FSD2: variants seen among roughly 807,000 people sequenced by gnomAD.
The protein encoded by FSD2 is fibronectin type III and SPRY domain-containing protein 2.
A neutral mutation model predicts 80.4 loss-of-function variants in FSD2; 71 were observed. That is an observed-to-expected ratio of 0.88 (90% CI 0.73 to 1.08). The LOEUF (loss-of-function observed/expected upper bound fraction) is 1.08, where lower values mean the gene tolerates loss of function less well. Ranked by LOEUF, FSD2 falls within the 50% of genes least tolerant of loss-of-function variation. The pLI is 0.00. For missense variants in FSD2, 923 were observed against 913.8 expected (o/e 1.01, Z -0.13); for synonymous variants, 361 against 329.5 (o/e 1.10, Z -1.03).
At chr15:82,780,323 C>A in intron 4 of FSD2, 56 bp from the exon 5 acceptor site, 25 of 1,196,208 alleles carry the variant, frequency 2.1e-5, no homozygotes, top group Non-Finnish European at 2.9e-5. Context: ...TTTCTTTTTT[C>A]TTTTTCTTTC....
intron 9 of FSD2, 137 bp from the exon 10 acceptor site, chr15:82,766,168 G>C: frequency 1.1e-6 from 1 of 950,534 alleles, no homozygotes; most frequent in Non-Finnish European, 1.5e-6. Flanking sequence ...CAGCAGCATA[G>C]CCAGGAGTGC....
intron 6 of FSD2, among the ~76,000 whole-genome samples, 161 bp from the exon 7 acceptor site, chr15:82,772,389 C>T (rs547431977): frequency 6.6e-6 from 1 of 152,318 alleles, no homozygotes; most frequent in South Asian, 2.1e-4. Flanking sequence ...AGCCTCTCAA[C>T]CATGAGTCTG....
intron 6 of FSD2, among the ~76,000 whole-genome samples, chr15:82,775,484 G>A (rs375974580): frequency 1.6e-4 from 25 of 152,034 alleles, no homozygotes; most frequent in African/African-American, 5.8e-4. Flanking sequence ...TCTTTCTCTT[G>A]CCTAATTGCT....
intron 4 of FSD2, among the ~76,000 whole-genome samples, chr15:82,781,833 G>T (rs1292996679): frequency 6.6e-6 from 1 of 151,472 alleles, no homozygotes; most frequent in African/African-American, 2.4e-5. Flanking sequence ...GCCGAGGCAG[G>T]TGGATCACGA....
In FSD2 at chr15:82,772,240, AAAG is replaced by A. The variant is rs768339169; in HGVS notation, c.1112-15_1112-13del. 15 of 1,599,794 alleles carry A rather than the reference AAAG, an allele frequency of 9.4e-6. No homozygotes were observed. Among genetic ancestry groups the A allele is most frequent in the Non-Finnish European group, 9.4e-6 (11 of 1,173,296 alleles). On this transcript the variant is annotated splice_polypyrimidine_tract_variant and intron_variant, in intron 6 of 12. Transcript: ENST00000334574. ...TGGAGCAGAAGGAGCTAGGAAAAGA[AAAG>A]AAAAAAGAAGAGGAACCTCTAATAG...
chr15:82,790,714 T>C (rs113207259), intron 1 of FSD2, among the ~76,000 whole-genome samples: 1,861 of 150,730 alleles, frequency 0.012, 34 homozygotes, highest in African/African-American at 0.044. Flanking sequence ...TAGCTGGGAC[T>C]ATAGGCGCCC....
chr15:82,761,165 G>C (rs2049288313), intron 12 of FSD2, among the ~76,000 whole-genome samples: 1 of 152,178 alleles, frequency 6.6e-6, no homozygotes, highest in South Asian at 2.1e-4. Flanking sequence ...AGAGGATCAT[G>C]GGCAGAGAGC....
At chr15:82,791,324 C>T (rs1470052656) in intron 1 of FSD2, among the ~76,000 whole-genome samples, 3 of 151,882 alleles carry the variant, frequency 2.0e-5, no homozygotes, top group Admixed American at 6.6e-5. Context: ...TATACTCACA[C>T]ATATGTGCAG....
intron 9 of FSD2, 137 bp from the exon 10 acceptor site, chr15:82,766,168 G>A: frequency 1.1e-6 from 1 of 950,534 alleles, no homozygotes; most frequent in East Asian, 2.9e-5. Context: ...CAGCAGCATA[G>A]CCAGGAGTGC....
chr15:82,769,934 C>G (rs773190026), intron 7 of FSD2, 50 bp from the exon 8 acceptor site: 60 of 1,605,936 alleles, frequency 3.7e-5, no homozygotes, highest in Non-Finnish European at 5.1e-5. Context: ...GGCCAAGTGG[C>G]TCCAATTCAT....
At chr15:82,764,404 T>C (rs540221734) in intron 11 of FSD2, among the ~76,000 whole-genome samples, 2 of 152,022 alleles carry the variant, frequency 1.3e-5, no homozygotes, top group Non-Finnish European at 2.9e-5. Flanking sequence ...ACCCGGCCCT[T>C]AAGCCGCTTG....
chr15:82,786,433 C>T, intron 3 of FSD2, 78 bp downstream of exon 3: 2 of 1,074,572 alleles, frequency 1.9e-6, no homozygotes, highest in Non-Finnish European at 2.8e-6. Context: ...TTCTCTAGCT[C>T]ATACCAGAAA....
chr15:82,780,417 C>T, intron 4 of FSD2, 150 bp from the exon 5 acceptor site: 1 of 560,896 alleles, frequency 1.8e-6, no homozygotes, highest in Admixed American at 3.6e-5. Context: ...TCACTGCAAC[C>T]TCCGCCTCCC....
At position 82,759,099 on chromosome 15, in the gene FSD2, T is replaced by C. The variant is rs1422311501; in HGVS notation, c.*249A>G. On this transcript the variant is annotated 3_prime_UTR_variant, in exon 13 of 13. Coordinates refer to ENST00000334574, the MANE Select transcript of FSD2 (RefSeq NM_001007122.4). The stretch of plus-strand genomic sequence containing the variant: ...TTTGACAGCTTCAAAGACTTTTGAG[T>C]TCGTTTAGTCTGAGCCTTTATTTTA... 4 of 452,790 alleles carry C rather than the reference T, an allele frequency of 8.8e-6. No individual in the cohort carries two copies. Among genetic ancestry groups the C allele is most frequent in the Non-Finnish European group, 1.6e-5 (4 of 253,260 alleles). 28.0% of individuals were successfully genotyped at this position (452,790 alleles called of 1,614,324 possible).
intron 11 of FSD2, 118 bp from the exon 12 acceptor site, chr15:82,762,396 G>T: frequency 1.2e-6 from 1 of 841,568 alleles, no homozygotes; most frequent in African/African-American, 1.7e-5. Context: ...GGTGGTAGGT[G>T]CTTCTGGACA....
At chr15:82,776,406 T>G (rs2049714402) in intron 6 of FSD2, among the ~76,000 whole-genome samples, 1 of 152,248 alleles carries the variant, frequency 6.6e-6, no homozygotes. Context: ...CATGTGTGCT[T>G]GGGAAGAATG....
At chr15:82,778,709 A>G in intron 6 of FSD2, 57 bp downstream of exon 6, 4 of 1,525,458 alleles carry the variant, frequency 2.6e-6, no homozygotes, top group Non-Finnish European at 3.5e-6. Flanking sequence ...CATCACAAGA[A>G]AGAAAAAAGC....
At chr15:82,802,898 C>A (rs1019749807) in intron 1 of FSD2, among the ~76,000 whole-genome samples, 2 of 152,290 alleles carry the variant, frequency 1.3e-5, no homozygotes, top group South Asian at 4.1e-4. Context: ...GTGACCCTGG[C>A]TAACCTTACC....
chr15:82,759,590 C>T lies in FSD2; in HGVS notation c.2008G>A (p.Glu670Lys), dbSNP rs1278838408. The T allele has an allele frequency of 2.5e-6, 4 of 1,576,172 alleles. No homozygotes were observed. In the Admixed American group the frequency reaches 5.6e-5, roughly 22 times the overall value. Residue 670 changes from glutamate to lysine, a missense_variant, in exon 13 of 13, where the codon GAA (glutamate) becomes AAA (lysine). Glu to Lys is a moderately conservative substitution (Grantham distance 56). Coordinates refer to ENST00000334574, the MANE Select transcript of FSD2 (RefSeq NM_001007122.4). ...GGAGTTGTTCTGTTGTGCAGAAATT[C>T]ATACTTATGCCTGAAAATTAAATTT... The part of the protein sequence containing the change: ...HTFASSRHKY[E>K]FLHNRTTPDI...
Sources: gnomAD v4.1 joint callset for allele counts (sites outside exome capture counted in the v4.1 genomes callset) on GRCh38, gnomAD v4.1.1 for gene constraint, MANE v1.5 for transcripts, NCBI Gene and HGNC (gene_info 2026-07-23, HGNC 2026-07-21) for gene names.